CDH6: variants seen among roughly 807,000 people sequenced by gnomAD.
CDH6 encodes the protein cadherin 6, also known as cadherin-6.
A neutral mutation model predicts 78.0 loss-of-function variants in CDH6; 31 were observed. The ratio of observed to expected loss-of-function variants is 0.40; its 90% CI spans 0.30 to 0.54. The LOEUF (loss-of-function observed/expected upper bound fraction) is 0.54. Among genes scored for constraint, CDH6 ranks in the 20% least tolerant of loss-of-function variants. The pLI is 0.56. For synonymous variants in CDH6, 376 were observed against 368.8 expected (o/e 1.02, Z -0.23); for missense variants, 724 against 975.9 (o/e 0.74, Z 3.44).
At chr5:31,273,306 A>G (rs1257633200) in intron 2 of CDH6, among the ~76,000 whole-genome samples, 6 of 152,194 alleles carry the variant, frequency 3.9e-5, no homozygotes, top group Non-Finnish European at 8.8e-5. Context: ...TCCATGCGTG[A>G]TTCAGCGAGT....
chr5:31,243,902 C>A (rs1454657854), intron 1 of CDH6, among the ~76,000 whole-genome samples: 1 of 152,138 alleles, frequency 6.6e-6, no homozygotes, highest in African/African-American at 2.4e-5. Context: ...GGGCACCAAG[C>A]CTATAAATAC....
chr5:31,266,070 C>G (rs1742342593), intron 1 of CDH6, among the ~76,000 whole-genome samples: 1 of 151,962 alleles, frequency 6.6e-6, no homozygotes, highest in Non-Finnish European at 1.5e-5. Flanking sequence ...AGCCACTGTG[C>G]CTGGCAAGAC....
At chr5:31,219,828 A>G (rs1229085399) in intron 1 of CDH6, among the ~76,000 whole-genome samples, 1 of 152,148 alleles carries the variant, frequency 6.6e-6, no homozygotes, top group Non-Finnish European at 1.5e-5. Context: ...AATTCAAGTG[A>G]CTTCTATGCA....
chr5:31,242,927 A>T (rs879802020), intron 1 of CDH6, among the ~76,000 whole-genome samples: 4 of 151,776 alleles, frequency 2.6e-5, no homozygotes, highest in Non-Finnish European at 5.9e-5. Context: ...ATGAGCAGTC[A>T]CAAAAAAATA....
intron 7 of CDH6, among the ~76,000 whole-genome samples, chr5:31,310,942 T>A (rs570215870): frequency 6.6e-6 from 1 of 152,332 alleles, no homozygotes; most frequent in Non-Finnish European, 1.5e-5. Flanking sequence ...GGGGCTGCCA[T>A]CAAGGTCCCC....
chr5:31,283,831 T>A (rs1192662332), intron 2 of CDH6, among the ~76,000 whole-genome samples: 1 of 148,500 alleles, frequency 6.7e-6, no homozygotes, highest in African/African-American at 2.4e-5. Context: ...TTTATTTTTT[T>A]TAAGATGGAG....
At chr5:31,308,780 A>G (rs1471812433) in intron 7 of CDH6, among the ~76,000 whole-genome samples, 2 of 152,102 alleles carry the variant, frequency 1.3e-5, no homozygotes, top group East Asian at 3.8e-4. Context: ...AAGGTTTGAT[A>G]GGAAAATATA....
At chr5:31,199,591 AC>A (rs1279135142) in intron 1 of CDH6, among the ~76,000 whole-genome samples, 4 of 147,392 alleles carry the variant, frequency 2.7e-5, no homozygotes, top group African/African-American at 7.4e-5. Context: ...ATCTATACAC[AC>A]ACATATATAT....
At chr5:31,257,266 C>T (rs1234643293) in intron 1 of CDH6, among the ~76,000 whole-genome samples, 1 of 152,094 alleles carries the variant, frequency 6.6e-6, no homozygotes, top group Non-Finnish European at 1.5e-5. Context: ...GGGTTCACGC[C>T]ATTCTCCTGC....
At position 31,237,027 on chromosome 5, in the gene CDH6, C is replaced by T. The variant is rs79944804; in HGVS notation, c.-128-30319C>T. ...ATTGCCACTTAGCCATATTTTTGAA[C>T]ATGCAGAAAAATAACTTTTTGGCAA... On this transcript the variant is annotated intron_variant, in intron 1 of 11. Coordinates refer to ENST00000265071, the MANE Select transcript of CDH6 (RefSeq NM_004932.4). Among the ~76,000 whole-genome samples the T allele has an allele frequency of 1.3e-3, 200 of 152,256 alleles. 3 individuals carry two copies. In the East Asian group the frequency reaches 0.029, roughly 22 times the overall value.
chr5:31,279,351 T>C (rs1003690755), intron 2 of CDH6, among the ~76,000 whole-genome samples: 4 of 152,142 alleles, frequency 2.6e-5, no homozygotes, highest in Non-Finnish European at 4.4e-5. Flanking sequence ...GTGGATCACC[T>C]GAGCCCAGAA....
chr5:31,312,465 G>A (rs1368141686), intron 7 of CDH6, among the ~76,000 whole-genome samples: 6 of 152,336 alleles, frequency 3.9e-5, no homozygotes, highest in East Asian at 1.9e-4. Context: ...TCGGGAGGCC[G>A]AGGTAGGTGG....
chr5:31,311,383 C>T (rs1738147157), intron 7 of CDH6, among the ~76,000 whole-genome samples: 1 of 152,200 alleles, frequency 6.6e-6, no homozygotes, highest in South Asian at 2.1e-4. Context: ...TCATTGTCAG[C>T]ATTTTGGTCA....
At chr5:31,312,189 C>T (rs1361131930) in intron 7 of CDH6, among the ~76,000 whole-genome samples, 1 of 152,156 alleles carries the variant, frequency 6.6e-6, no homozygotes, top group Non-Finnish European at 1.5e-5. Context: ...GGGATCAGTC[C>T]AGATCTTAAT....
intron 1 of CDH6, among the ~76,000 whole-genome samples, chr5:31,237,380 A>T (rs1741480835): frequency 6.6e-6 from 1 of 152,162 alleles, no homozygotes; most frequent in African/African-American, 2.4e-5. Context: ...TCATATGGCG[A>T]ACACTTTGAA....
At chr5:31,319,450 C>T (rs1181511533) in intron 11 of CDH6, among the ~76,000 whole-genome samples, 1 of 152,220 alleles carries the variant, frequency 6.6e-6, no homozygotes. Flanking sequence ...TTTTTCTCAC[C>T]TAATCCTCAG....
intron 1 of CDH6, among the ~76,000 whole-genome samples, chr5:31,209,255 T>C (rs543912744): frequency 6.6e-6 from 1 of 152,258 alleles, no homozygotes; most frequent in African/African-American, 2.4e-5. Context: ...CTGTGGGAAA[T>C]TGCAACTTCC....
chr5:31,325,422 A>T lies in CDH6; in HGVS notation c.*2114A>T, dbSNP rs1212326434. On this transcript the variant is annotated 3_prime_UTR_variant, in exon 12 of 12. Coordinates refer to ENST00000265071, the MANE Select transcript of CDH6 (RefSeq NM_004932.4). ...ATTGATATGTATCATAGTCACAGGT[A>T]AGTGTTGAAAAAAGCTTAGTAAAGT... 1 of 231,862 alleles carries T rather than the reference A, an allele frequency of 4.3e-6. No individual in the cohort carries two copies. Among genetic ancestry groups the T allele is most frequent in the Non-Finnish European group, 8.5e-6 (1 of 117,284 alleles). 14.4% of individuals were successfully genotyped at this position (231,862 alleles called of 1,614,324 possible).
chr5:31,236,276 A>G (rs887695544), intron 1 of CDH6, among the ~76,000 whole-genome samples: 1 of 152,202 alleles, frequency 6.6e-6, no homozygotes, highest in Non-Finnish European at 1.5e-5. Flanking sequence ...TATTCACATC[A>G]ATTATCCTCA....
Sources: gnomAD v4.1 joint callset for allele counts (sites outside exome capture counted in the v4.1 genomes callset) on GRCh38, gnomAD v4.1.1 for gene constraint, MANE v1.5 for transcripts, NCBI Gene and HGNC (gene_info 2026-07-23, HGNC 2026-07-21) for gene names.